Variants in MAGI2 observed in about 807,000 individuals in gnomAD.
The protein encoded by MAGI2 is membrane-associated guanylate kinase, WW and PDZ domain-containing protein 2.
A neutral mutation model predicts 133.3 loss-of-function variants in MAGI2; 35 were observed. That is an observed-to-expected ratio of 0.26 (90% CI 0.20 to 0.35). The LOEUF (loss-of-function observed/expected upper bound fraction) is 0.35, where lower values mean the gene tolerates loss of function less well. Ranked by LOEUF, MAGI2 falls within the 10% of genes least tolerant of loss-of-function variation. MAGI2 has a pLI of 1.00. For missense variants in MAGI2, 1,636 were observed against 1,863.4 expected (o/e 0.88, Z 2.25); for synonymous variants, 729 against 710.6 (o/e 1.03, Z -0.41).
At chr7:79,319,788 T>A (rs539057995) in intron 1 of MAGI2, among the ~76,000 whole-genome samples, 1 of 152,262 alleles carries the variant, frequency 6.6e-6, no homozygotes, top group East Asian at 1.9e-4. Flanking sequence ...GCCTAACTGG[T>A]ACACACACCA....
chr7:79,453,048 G>C lies in MAGI2; in HGVS notation c.273C>G (p.Asp91Glu). ...GCTTGACACACTTGAGCCGGAGGGG[G>C]TCCTTGCAGTGTTTGATCACGGCCA... ...DVLAVIKHCK[D>E]PLRLKCVKQG... The change falls in exon 1 of 22, where the codon GAC becomes GAG. Residue 91 changes from aspartate (D) to glutamate (E), a missense_variant. By Grantham distance (45) the Asp-to-Glu change is conservative (BLOSUM62 2). Transcript: ENST00000354212. The C allele has an allele frequency of 2.5e-6, 4 of 1,606,058 alleles. No individual in the cohort carries two copies. The highest frequency in any genetic ancestry group is 2.6e-6 in the Non-Finnish European group (3 of 1,176,124).
chr7:79,345,166 T>C (rs936658293), intron 1 of MAGI2, among the ~76,000 whole-genome samples: 1 of 151,832 alleles, frequency 6.6e-6, no homozygotes, highest in Non-Finnish European at 1.5e-5. Context: ...TAAGATAAAA[T>C]CATACTGAGT....
intron 3 of MAGI2, among the ~76,000 whole-genome samples, chr7:78,553,549 C>T (rs1799539816): frequency 6.6e-6 from 1 of 152,146 alleles, no homozygotes; most frequent in South Asian, 2.1e-4. Context: ...AAACTTCATC[C>T]CCAAGCCTGA....
chr7:78,109,492 C>T (rs369886393), intron 20 of MAGI2, among the ~76,000 whole-genome samples: 108 of 151,704 alleles, frequency 7.1e-4, no homozygotes, highest in African/African-American at 2.5e-3. Flanking sequence ...ATTAGCTGGG[C>T]GTGGTGGCAC....
intron 2 of MAGI2, among the ~76,000 whole-genome samples, chr7:78,774,270 G>GA (rs1267094995): frequency 2.6e-5 from 4 of 152,114 alleles, no homozygotes. Flanking sequence ...AGGCAAGACA[G>GA]AAAAAAGACT....
At chr7:78,952,640 T>C (rs888969844) in intron 2 of MAGI2, among the ~76,000 whole-genome samples, 1 of 141,386 alleles carries the variant, frequency 7.1e-6, no homozygotes, top group Admixed American at 7.2e-5. Flanking sequence ...AGTTATGTCT[T>C]ATATGTAACT....
At chr7:78,962,283 T>C (rs1421992789) in intron 2 of MAGI2, among the ~76,000 whole-genome samples, 1 of 152,108 alleles carries the variant, frequency 6.6e-6, no homozygotes, top group African/African-American at 2.4e-5. Flanking sequence ...AGAAACAAAC[T>C]TGATTTTCAG....
At chr7:79,209,857 A>C (rs1355581290) in intron 1 of MAGI2, among the ~76,000 whole-genome samples, 1 of 152,078 alleles carries the variant, frequency 6.6e-6, no homozygotes, top group East Asian at 1.9e-4. Flanking sequence ...TGTCAGATTC[A>C]TTCTTTTATC....
chr7:78,508,697 C>T (rs146227565), intron 4 of MAGI2, among the ~76,000 whole-genome samples: 522 of 152,178 alleles, frequency 3.4e-3, no homozygotes, highest in Non-Finnish European at 5.7e-3. Flanking sequence ...TATATCAGAT[C>T]TGTGGTTTGA....
chr7:78,858,437 T>A (rs532513780), intron 2 of MAGI2, among the ~76,000 whole-genome samples: 2 of 152,328 alleles, frequency 1.3e-5, no homozygotes, highest in African/African-American at 4.8e-5. Context: ...GTCCCATAGA[T>A]TCTGGTATGT....
intron 10 of MAGI2, among the ~76,000 whole-genome samples, chr7:78,246,433 A>G (rs1791788958): frequency 6.6e-6 from 1 of 152,164 alleles, no homozygotes; most frequent in African/African-American, 2.4e-5. Flanking sequence ...CTGAGCTGAT[A>G]GAAACCCTGC....
chr7:78,557,094 A>AG (rs1174475614), intron 3 of MAGI2, among the ~76,000 whole-genome samples: 2 of 144,826 alleles, frequency 1.4e-5, no homozygotes, highest in African/African-American at 5.3e-5. Flanking sequence ...AAAAAAAAAA[A>AG]AAAAAAGAAA....
chr7:79,405,200 T>G (rs2129166438), intron 1 of MAGI2, among the ~76,000 whole-genome samples: 1 of 152,316 alleles, frequency 6.6e-6, no homozygotes, highest in Admixed American at 6.5e-5. Context: ...TAGTTTGATT[T>G]ATAACTTTAA....
At chr7:78,045,721 CT>C (rs988844615) in intron 21 of MAGI2, among the ~76,000 whole-genome samples, 5 of 152,148 alleles carry the variant, frequency 3.3e-5, no homozygotes, top group African/African-American at 1.2e-4. Context: ...CAGAGCCTGA[CT>C]CCAATTTCCT....
chr7:78,069,080 A>G (rs997079828), intron 21 of MAGI2, among the ~76,000 whole-genome samples: 6 of 152,176 alleles, frequency 3.9e-5, no homozygotes, highest in Admixed American at 3.9e-4. Flanking sequence ...CTGATATGGA[A>G]AATGGGAAGA....
At chr7:78,317,151 T>G (rs995808374) in intron 9 of MAGI2, among the ~76,000 whole-genome samples, 3 of 152,240 alleles carry the variant, frequency 2.0e-5, no homozygotes, top group African/African-American at 4.8e-5. Flanking sequence ...TTCAGGCTGA[T>G]TCCCCATTCC....
intron 3 of MAGI2, among the ~76,000 whole-genome samples, chr7:78,566,550 A>AAAG (rs1379188812): frequency 6.6e-6 from 1 of 151,186 alleles, no homozygotes; most frequent in Non-Finnish European, 1.5e-5. Context: ...AAAAAAAAAA[A>AAAG]CAGAGGAAAA....
chr7:79,259,285 T>C (rs1011386189), intron 1 of MAGI2, among the ~76,000 whole-genome samples: 1 of 152,190 alleles, frequency 6.6e-6, no homozygotes, highest in Non-Finnish European at 1.5e-5. Flanking sequence ...ATACAGTTCT[T>C]AACATATATT....
At chr7:78,160,684 TA>T in intron 15 of MAGI2, among the ~76,000 whole-genome samples, 1 of 152,118 alleles carries the variant, frequency 6.6e-6, no homozygotes, top group East Asian at 1.9e-4. Flanking sequence ...AAATAAATTG[TA>T]AAAAAAAGTA....
Sources: gnomAD v4.1 joint callset for allele counts (sites outside exome capture counted in the v4.1 genomes callset) on GRCh38, gnomAD v4.1.1 for gene constraint, MANE v1.5 for transcripts, NCBI Gene and HGNC (gene_info 2026-07-23, HGNC 2026-07-21) for gene names.